The following ZCCHC17 variants were observed in gnomAD, a reference collection of about 807,000 sequenced individuals.
The protein encoded by ZCCHC17 is zinc finger CCHC-type containing 17, also known as zinc finger CCHC domain-containing protein 17.
A neutral mutation model predicts 30.6 loss-of-function variants in ZCCHC17; 18 were observed. The ratio of observed to expected loss-of-function variants is 0.59; its 90% confidence interval spans 0.41 to 0.87. ZCCHC17 has a LOEUF of 0.87. ZCCHC17 is among the 40% of genes least tolerant of loss of function. The pLI is 0.00. For synonymous variants in ZCCHC17, 88 were observed against 92.4 expected (o/e 0.95, Z 0.27); for missense variants, 263 against 284.2 (o/e 0.93, Z 0.54).
intron 2 of ZCCHC17, among the ~76,000 whole-genome samples, chr1:31,313,532 G>A (rs1646656342): frequency 6.6e-6 from 1 of 152,024 alleles, no homozygotes; most frequent in African/African-American, 2.4e-5. Flanking sequence ...TGTGGCTCTT[G>A]ACTTCTGTTA....
rs147916666 is a variant in ZCCHC17, at chr1:31,364,678, T to C, written c.*485T>C. 6.2e-4 allele frequency: 97 copies of C among 155,670 alleles called. No homozygotes were observed. The highest frequency in any genetic ancestry group is 2.3e-3 in the African/African-American group (94 of 41,646). The allele number at this position is 155,670 out of a possible 1,614,324, so 9.6% of individuals were successfully genotyped here. On this transcript the variant is annotated 3_prime_UTR_variant, in exon 8 of 8. Coordinates refer to ENST00000344147, the MANE Select transcript of ZCCHC17 (RefSeq NM_016505.4). ...AGACTGGCAGCAGGAGGGGGGAACA[T>C]GGTGAGAAGTGGTGCTCACTTTTCC...
intron 7 of ZCCHC17, 136 bp downstream of exon 7, chr1:31,349,110 A>G (rs1356024791): frequency 1.9e-6 from 2 of 1,044,354 alleles, no homozygotes; most frequent in Non-Finnish European, 2.7e-6. Flanking sequence ...GCTCGAGGCC[A>G]GAAGTTTAAG....
intron 3 of ZCCHC17, among the ~76,000 whole-genome samples, chr1:31,325,019 A>C (rs1455892494): frequency 6.6e-6 from 1 of 152,114 alleles, no homozygotes; most frequent in Non-Finnish European, 1.5e-5. Context: ...GACTGTAAAA[A>C]TCCTGGACTC....
rs573516787 is a variant in ZCCHC17, at chr1:31,304,949, A to C, written c.-55-5095A>C. 2.0e-5 allele frequency among the ~76,000 whole-genome samples: 3 copies of C among 152,370 alleles called. No homozygotes were observed. The East Asian group carries it at 5.8e-4, about 29-fold the overall frequency. On this transcript the variant is annotated intron_variant, in intron 1 of 7. Coordinates refer to ENST00000344147, the MANE Select transcript of ZCCHC17 (RefSeq NM_016505.4). The stretch of plus-strand genomic sequence containing the variant: ...TTTTTTTCCAAGTGAAATCTTACAC[A>C]GAATTTTAATATGTAAACTGGATCA...
intron 1 of ZCCHC17, among the ~76,000 whole-genome samples, chr1:31,301,871 A>G (rs528981731): frequency 2.0e-5 from 3 of 152,272 alleles, no homozygotes; most frequent in Admixed American, 6.5e-5. Flanking sequence ...AGAAGCATCT[A>G]TCTTACATGG....
At chr1:31,333,832 GGAA>G (rs770977055) in intron 3 of ZCCHC17, among the ~76,000 whole-genome samples, 2 of 152,152 alleles carry the variant, frequency 1.3e-5, no homozygotes, top group South Asian at 2.1e-4. Context: ...TCTGTTTTAG[GGAA>G]GAAGAATAGT....
chr1:31,361,511 G>A (rs1297830987), intron 7 of ZCCHC17, among the ~76,000 whole-genome samples: 2 of 152,196 alleles, frequency 1.3e-5, no homozygotes, highest in Non-Finnish European at 2.9e-5. Context: ...AAGTCACATA[G>A]TGAGTTAAGT....
Position 31,319,060 on chromosome 1 carries a change from G to A in ZCCHC17, c.67-49G>A, listed in dbSNP as rs778715729. 2.5e-6 allele frequency: 4 copies of A among 1,580,456 alleles called. No individual in the cohort carries two copies. The Admixed American group carries it at 6.8e-5, about 27-fold the overall frequency. ...GGAGACTAGGTTAAATGCTACAGAA[G>A]AAAGATTCTCATGTATGTGACATTG... On this transcript the variant is annotated intron_variant, in intron 2 of 7. Transcript: ENST00000344147.
intron 1 of ZCCHC17, among the ~76,000 whole-genome samples, chr1:31,306,201 T>C (rs865781392): frequency 2.6e-5 from 4 of 152,146 alleles, no homozygotes; most frequent in African/African-American, 4.8e-5. Flanking sequence ...ATTTTTTTTT[T>C]CCCCTTGAGA....
At chr1:31,326,995 G>A (rs1202159981) in intron 3 of ZCCHC17, among the ~76,000 whole-genome samples, 14 of 152,158 alleles carry the variant, frequency 9.2e-5, no homozygotes, top group Admixed American at 8.5e-4. Flanking sequence ...TTTCCCAGAT[G>A]TCATGTTCTC....
At chr1:31,302,413 G>C (rs138657547) in intron 1 of ZCCHC17, among the ~76,000 whole-genome samples, 22 of 152,118 alleles carry the variant, frequency 1.4e-4, no homozygotes, top group African/African-American at 5.1e-4. Context: ...TAGTATACCA[G>C]ACCCCAGGAA....
At chr1:31,362,712 CAGG>C (rs1294586358) in intron 7 of ZCCHC17, among the ~76,000 whole-genome samples, 2 of 152,170 alleles carry the variant, frequency 1.3e-5, no homozygotes, top group African/African-American at 4.8e-5. Flanking sequence ...GAATAGCAGT[CAGG>C]AGTTCTAAAT....
In ZCCHC17 at chr1:31,347,239, C is replaced by T. The variant is rs569602327; in HGVS notation, c.418+499C>T. 6.3e-4 allele frequency among the ~76,000 whole-genome samples: 96 copies of T among 152,258 alleles called. 1 individual carries two copies. The highest frequency in any genetic ancestry group is 4.6e-3 in the Admixed American group (71 of 15,292). ...TAGTCACTTCTTTTTAGCTCTATTTCCTCAGGTTTCCTCTACTCTTACTCA... is the reference window on the plus strand; with the variant it reads ...TAGTCACTTCTTTTTAGCTCTATTTTCTCAGGTTTCCTCTACTCTTACTCA... On this transcript the variant is annotated intron_variant, in intron 6 of 7. Coordinates refer to ENST00000344147, the MANE Select transcript of ZCCHC17 (RefSeq NM_016505.4).
chr1:31,334,918 C>T (rs1198879052), intron 3 of ZCCHC17, among the ~76,000 whole-genome samples: 1 of 152,014 alleles, frequency 6.6e-6, no homozygotes, highest in Non-Finnish European at 1.5e-5. Flanking sequence ...ATAGTTTTTC[C>T]TATGTATAAA....
chr1:31,307,543 A>T (rs1280325186), intron 1 of ZCCHC17, among the ~76,000 whole-genome samples: 1 of 148,554 alleles, frequency 6.7e-6, no homozygotes, highest in Non-Finnish European at 1.5e-5. Flanking sequence ...AGCTGGGATT[A>T]CAGGCGCCTG....
At chr1:31,356,963 C>T (rs2148479404) in intron 7 of ZCCHC17, among the ~76,000 whole-genome samples, 1 of 152,310 alleles carries the variant, frequency 6.6e-6, no homozygotes, top group South Asian at 2.1e-4. Context: ...TTCTGATGAA[C>T]TTGTGGTCTG....
chr1:31,346,462 T>G, intron 5 of ZCCHC17, 178 bp from the exon 6 acceptor site: 1 of 573,134 alleles, frequency 1.7e-6, no homozygotes, highest in East Asian at 3.0e-5. Context: ...CATTCGTAAT[T>G]GTTAATTTAG....
At chr1:31,311,752 A>G (rs538220214) in intron 2 of ZCCHC17, among the ~76,000 whole-genome samples, 3 of 152,314 alleles carry the variant, frequency 2.0e-5, no homozygotes, top group African/African-American at 7.2e-5. Flanking sequence ...TCTTGATACC[A>G]TTGAATTGGG....
chr1:31,356,345 C>T (rs917539990), intron 7 of ZCCHC17, among the ~76,000 whole-genome samples: 1 of 152,162 alleles, frequency 6.6e-6, no homozygotes, highest in Non-Finnish European at 1.5e-5. Context: ...TTCTCATCTC[C>T]GTTTCTTCAC....
Sources: allele counts gnomAD v4.1 joint callset (sites outside exome capture counted in the v4.1 genomes callset), GRCh38; gene constraint gnomAD v4.1.1; transcripts MANE v1.5; gene names NCBI Gene and HGNC (gene_info 2026-07-23, HGNC 2026-07-21).